The following BICD1 variants were observed in gnomAD, a reference collection of about 807,000 sequenced individuals.
BICD1 encodes the protein protein bicaudal D homolog 1.
BICD1 carries 35 observed loss-of-function variants against 92.5 expected under a neutral mutation model. The observed-to-expected ratio is 0.38, with a 90% confidence interval of 0.29 to 0.50. The LOEUF (loss-of-function observed/expected upper bound fraction) is 0.50. Among genes scored for constraint, BICD1 ranks in the 20% least tolerant of loss-of-function variants. BICD1 has a pLI of 0.93. For synonymous variants in BICD1, 429 were observed against 465.1 expected (o/e 0.92, Z 1.00); for missense variants, 950 against 1,189.8 (o/e 0.80, Z 2.97).
intron 2 of BICD1, among the ~76,000 whole-genome samples, chr12:32,288,229 T>A (rs1947629795): frequency 9.5e-6 from 1 of 105,110 alleles, no homozygotes; most frequent in Admixed American, 8.4e-5. Context: ...CCTAATTTTT[T>A]TTTTTTTTTT....
chr12:32,120,926 C>A (rs1592329756), intron 1 of BICD1, among the ~76,000 whole-genome samples: 1 of 148,650 alleles, frequency 6.7e-6, no homozygotes. Flanking sequence ...TAATGTGCTC[C>A]AAACTGATTA....
At position 32,367,954 on chromosome 12, in the gene BICD1, C is replaced by A; in HGVS notation, c.2840+209C>A. 4 of 534,562 alleles carry A rather than the reference C, an allele frequency of 7.5e-6. 1 individual carries two copies. The South Asian group carries it at 1.0e-4, about 14-fold the overall frequency. 33.1% of individuals were successfully genotyped at this position (534,562 alleles called of 1,614,324 possible). A position where few individuals can be genotyped will look rare whatever the true frequency, so the allele number is the denominator to read the frequency against. ...GAGCTGGGGTTTATTTTGCTGGCTG[C>A]CAGCTGGTAGACTCTACAGGCTGCC... On this transcript the variant is annotated intron_variant, in intron 9 of 9. Coordinates refer to ENST00000652176, the MANE Select transcript of BICD1 (RefSeq NM_001714.4).
intron 1 of BICD1, among the ~76,000 whole-genome samples, chr12:32,199,531 G>T (rs1208685001): frequency 1.3e-5 from 2 of 152,140 alleles, no homozygotes; most frequent in Non-Finnish European, 1.5e-5. Flanking sequence ...TGGGGGGAAG[G>T]CCTGGAAATT....
chr12:32,312,815 A>G (rs113531066), intron 4 of BICD1, among the ~76,000 whole-genome samples: 11,821 of 152,280 alleles, frequency 0.078, 513 homozygotes, highest in Middle Eastern at 0.13. Flanking sequence ...AATGAGTGTC[A>G]TCCTTTATTC....
At chr12:32,302,070 T>A (rs1320273413) in intron 3 of BICD1, among the ~76,000 whole-genome samples, 1 of 151,996 alleles carries the variant, frequency 6.6e-6, no homozygotes, top group Non-Finnish European at 1.5e-5. Flanking sequence ...GTATTTTTAG[T>A]AGAGACGGGG....
chr12:32,372,982 A>AGG (rs1382172393), intron 9 of BICD1, among the ~76,000 whole-genome samples: 1 of 152,236 alleles, frequency 6.6e-6, no homozygotes, highest in Non-Finnish European at 1.5e-5. Context: ...GTATTATAAT[A>AGG]TGAAAGGAAT....
At chr12:32,169,995 G>A (rs1036154811) in intron 1 of BICD1, among the ~76,000 whole-genome samples, 3 of 152,234 alleles carry the variant, frequency 2.0e-5, no homozygotes, top group Admixed American at 2.0e-4. Context: ...CTGTAGAGGC[G>A]AGAATGTGGA....
chr12:32,132,616 C>T (rs1465785048), intron 1 of BICD1, among the ~76,000 whole-genome samples: 1 of 152,070 alleles, frequency 6.6e-6, no homozygotes, highest in Admixed American at 6.6e-5. Context: ...ACCCACTGCC[C>T]GCCCCAACGC....
chr12:32,205,522 T>G (rs1945024313), intron 1 of BICD1, among the ~76,000 whole-genome samples: 1 of 151,856 alleles, frequency 6.6e-6, no homozygotes, highest in African/African-American at 2.4e-5. Context: ...TTTCAGTGAA[T>G]AATGGTACAG....
intron 1 of BICD1, among the ~76,000 whole-genome samples, chr12:32,176,050 C>T (rs1294831660): frequency 6.6e-6 from 1 of 152,190 alleles, no homozygotes; most frequent in Admixed American, 6.5e-5. Context: ...ATGTTGTCGC[C>T]TGTGTCAGTA....
intron 1 of BICD1, among the ~76,000 whole-genome samples, chr12:32,179,941 C>A (rs1944223734): frequency 7.1e-6 from 1 of 141,516 alleles, no homozygotes; most frequent in Non-Finnish European, 1.5e-5. Flanking sequence ...AGTGAGCCGA[C>A]ATTGCGCTAC....
intron 4 of BICD1, among the ~76,000 whole-genome samples, chr12:32,310,368 A>G (rs1003126605): frequency 2.0e-5 from 3 of 152,196 alleles, no homozygotes; most frequent in African/African-American, 7.2e-5. Flanking sequence ...GGGAGAGGCA[A>G]TCGGTCAAAT....
chr12:32,216,449 A>T lies in BICD1; in HGVS notation c.416A>T (p.Asp139Val). ...GAGAGGCTCACCGCAGTCGTGCAGG[A>T]TCTGAAGGAGGTAAATAAACAAATT... Reference protein sequence around the residue: ...ENERLTAVVQDLKENNEMVEL... With the variant: ...ENERLTAVVQVLKENNEMVEL... The change falls in exon 2 of 10, where the codon GAT becomes GTT. Residue 139 changes from aspartate to valine, a missense_variant. Transcript: ENST00000652176. 6.2e-7 allele frequency: 1 copy of T among 1,614,126 alleles called. No individual in the cohort carries two copies. The highest frequency in any genetic ancestry group is 8.5e-7 in the Non-Finnish European group (1 of 1,179,986).
chr12:32,338,691 A>G, intron 7 of BICD1, 95 bp from the exon 8 acceptor site: 1 of 1,007,228 alleles, frequency 9.9e-7, no homozygotes. Context: ...ATTAAATGCC[A>G]GTATAAATAA....
chr12:32,377,302 G>A (rs926779232), intron 9 of BICD1, among the ~76,000 whole-genome samples: 2 of 152,162 alleles, frequency 1.3e-5, no homozygotes, highest in African/African-American at 4.8e-5. Context: ...GAAAAGAGAA[G>A]AGTGACTTTG....
At chr12:32,245,210 A>T (rs1221111293) in intron 2 of BICD1, among the ~76,000 whole-genome samples, 1 of 151,694 alleles carries the variant, frequency 6.6e-6, no homozygotes, top group Admixed American at 6.6e-5. Flanking sequence ...TTTATTTTTT[A>T]CTTGTTTGCT....
Position 32,382,657 on chromosome 12 carries a change from C to T in BICD1, c.*5030C>T, listed in dbSNP as rs1417740540. On this transcript the variant is annotated 3_prime_UTR_variant, in exon 10 of 10. Coordinates refer to ENST00000652176, the MANE Select transcript of BICD1 (RefSeq NM_001714.4). ...ATTGGAGTTTAATTGCTGTAGAACA[C>T]TTGTTGAGAACACATTTTTTACTTT... The T allele has an allele frequency of 6.6e-6, 1 of 151,914 alleles. No homozygotes were observed. The highest frequency in any genetic ancestry group is 1.9e-4 in the East Asian group (1 of 5,196). 9.4% of individuals were successfully genotyped at this position (151,914 alleles called of 1,614,324 possible).
intron 1 of BICD1, among the ~76,000 whole-genome samples, chr12:32,148,944 C>T (rs560405691): frequency 5.3e-5 from 8 of 150,776 alleles, no homozygotes; most frequent in Admixed American, 2.0e-4. Flanking sequence ...CACTTGAACC[C>T]GGGAGGTAGA....
chr12:32,202,182 G>A (rs982510131), intron 1 of BICD1, among the ~76,000 whole-genome samples: 1 of 152,200 alleles, frequency 6.6e-6, no homozygotes, highest in Non-Finnish European at 1.5e-5. Flanking sequence ...ATGGACAGCT[G>A]CCAGCCTGGG....
Sources: allele counts gnomAD v4.1 joint callset (sites outside exome capture counted in the v4.1 genomes callset), GRCh38; gene constraint gnomAD v4.1.1; transcripts MANE v1.5; gene names NCBI Gene and HGNC (gene_info 2026-07-23, HGNC 2026-07-21).